Variants in NAA11 observed in about 807,000 individuals in gnomAD.
NAA11 encodes the protein N-alpha-acetyltransferase 11, NatA catalytic subunit, also known as N-alpha-acetyltransferase 11.
Under a neutral mutation model 16.1 loss-of-function variants are expected in NAA11, and 15 were observed. The observed-to-expected ratio is 0.93, with a 90% CI of 0.62 to 1.44. The LOEUF is 1.44. Among genes scored for constraint, NAA11 ranks in the 40% most tolerant of loss-of-function variants. NAA11 has a pLI of 0.00. For synonymous variants in NAA11, 122 were observed against 112.4 expected, an observed-to-expected ratio of 1.09 and a Z score of -0.54; for missense variants, 298 against 291.3, an observed-to-expected ratio of 1.02 and a Z score of -0.17.
In NAA11 at chr4:79,305,908, C is replaced by G. The variant is rs1478813400; in HGVS notation, c.*13-11794G>C. Among the ~76,000 whole-genome samples the G allele has an allele frequency of 2.6e-5, 4 of 152,218 alleles. No individual in the cohort carries two copies. The South Asian group carries it at 6.2e-4, about 24-fold the overall frequency. The stretch of plus-strand genomic sequence containing the variant: ...CCCCTTTGAAATTAATTAGCCTATC[C>G]TACTTACATGTCTACTTCTTCAGAG... On this transcript the variant is annotated intron_variant and NMD_transcript_variant, in intron 1 of 2. Coordinates refer to the NAA11 transcript ENST00000511542.
chr4:79,169,056 A>G, the NAA11 span, among the ~76,000 whole-genome samples: 12 of 152,190 alleles, frequency 7.9e-5, no homozygotes, highest in African/African-American at 2.9e-4. Flanking sequence ...AAGGGATGTG[A>G]AGGACCTCTT....
the NAA11 span, among the ~76,000 whole-genome samples, chr4:79,179,246 G>A: frequency 1.3e-5 from 2 of 152,248 alleles, no homozygotes; most frequent in East Asian, 3.9e-4. Context: ...TTTTGGTACA[G>A]AAGTAGCAGT....
chr4:79,172,553 A>C, the NAA11 span, among the ~76,000 whole-genome samples: 2 of 152,100 alleles, frequency 1.3e-5, no homozygotes, highest in East Asian at 1.9e-4. Flanking sequence ...ACATATGATG[A>C]AAGTCAGTAA....
the NAA11 span, chr4:79,197,526 T>C: frequency 3.3e-5 from 5 of 151,952 alleles, no homozygotes; most frequent in Non-Finnish European, 7.4e-5. Context: ...TGTGTCAGTT[T>C]TGAGCCAAGC....
chr4:79,236,110 A>G (rs1578154837), intron 2 of NAA11, among the ~76,000 whole-genome samples: 1 of 152,154 alleles, frequency 6.6e-6, no homozygotes, highest in African/African-American at 2.4e-5. Flanking sequence ...TAACCTACTT[A>G]TAACTACATA....
In NAA11 at chr4:79,325,777, T is replaced by C; in HGVS notation, c.101A>G (p.His34Arg). 1 of 1,614,212 alleles carries C rather than the reference T, an allele frequency of 6.2e-7. No individual in the cohort carries two copies. The highest frequency in any genetic ancestry group is 8.5e-7 in the Non-Finnish European group (1 of 1,180,032). Residue 34 changes from histidine (H) to arginine (R), a missense_variant, in exon 1 of 2, where the codon CAT becomes CGT. Coordinates refer to ENST00000286794, the MANE Select transcript of NAA11 (RefSeq NM_032693.3). The stretch of plus-strand genomic sequence containing the variant: ...AGAAAGCTGGGGCCAGGAAAGGCCA[T>C]GATATAAATAGTATTTCATCTGGTA... ...ENYQMKYYLY[H>R]GLSWPQLSYI...
chr4:79,262,978 CA>C (rs1440589432), intron 2 of NAA11, among the ~76,000 whole-genome samples: 1 of 151,970 alleles, frequency 6.6e-6, no homozygotes, highest in Non-Finnish European at 1.5e-5. Context: ...AAAGGGATGA[CA>C]GGATTTAAAT....
At chr4:79,245,035 TGC>T (rs1721779455) in intron 2 of NAA11, 1 of 164,324 alleles carries the variant, frequency 6.1e-6, no homozygotes, top group Non-Finnish European at 1.3e-5. Flanking sequence ...TTGCAGCCTC[TGC>T]CCGGCTGCCA....
chr4:79,186,219 G>A, the NAA11 span, among the ~76,000 whole-genome samples: 2 of 152,126 alleles, frequency 1.3e-5, no homozygotes, highest in Non-Finnish European at 2.9e-5. Flanking sequence ...CTTTTAAAAG[G>A]CTATGAATAT....
intron 2 of NAA11, among the ~76,000 whole-genome samples, chr4:79,262,590 C>T (rs1237201374): frequency 6.6e-6 from 1 of 152,088 alleles, no homozygotes; most frequent in Non-Finnish European, 1.5e-5. Flanking sequence ...TATTCTCAGT[C>T]CTGCATTCTT....
chr4:79,225,204 T>C (rs1196853746), downstream of NAA11, among the ~76,000 whole-genome samples: 1 of 152,050 alleles, frequency 6.6e-6, no homozygotes, highest in Non-Finnish European at 1.5e-5. Flanking sequence ...ATGGAAGCTA[T>C]GTACTGTTTT....
At chr4:79,283,096 C>G (rs1392148794) in intron 2 of NAA11, among the ~76,000 whole-genome samples, 1 of 152,008 alleles carries the variant, frequency 6.6e-6, no homozygotes, top group East Asian at 1.9e-4. Context: ...ACATGCAAAT[C>G]ATTGGTGATC....
chr4:79,272,533 A>C (rs1470548808), intron 2 of NAA11, among the ~76,000 whole-genome samples: 1 of 152,072 alleles, frequency 6.6e-6, no homozygotes, highest in Admixed American at 6.6e-5. Context: ...TTAGAGGAAA[A>C]GAAAAGGAGT....
At chr4:79,291,781 T>C (rs761624891) in intron 2 of NAA11, among the ~76,000 whole-genome samples, 1 of 152,060 alleles carries the variant, frequency 6.6e-6, no homozygotes, top group Non-Finnish European at 1.5e-5. Flanking sequence ...GGCAATAATA[T>C]GCTTAGAGGT....
downstream of NAA11, among the ~76,000 whole-genome samples, chr4:79,223,427 T>G (rs1293090097): frequency 1.4e-5 from 2 of 138,480 alleles, no homozygotes; most frequent in Non-Finnish European, 3.0e-5. Flanking sequence ...TTCTCACTCA[T>G]AGGTGGGAAT....
the NAA11 span, among the ~76,000 whole-genome samples, chr4:79,171,832 A>G: frequency 6.6e-6 from 1 of 152,194 alleles, no homozygotes; most frequent in Non-Finnish European, 1.5e-5. Context: ...CAAATCTACT[A>G]TAAAATACTG....
chr4:79,297,595 GC>G (rs1723260305), intron 1 of NAA11, among the ~76,000 whole-genome samples: 1 of 152,232 alleles, frequency 6.6e-6, no homozygotes, highest in African/African-American at 2.4e-5. Context: ...TTGGGGCCAA[GC>G]CCAGGTGCTG....
chr4:79,202,544 A>G, the NAA11 span, among the ~76,000 whole-genome samples: 6 of 135,510 alleles, frequency 4.4e-5, no homozygotes, highest in Non-Finnish European at 8.0e-5. Flanking sequence ...ACACACACGC[A>G]CACACACACA....
chr4:79,256,123 A>G (rs544502462), intron 2 of NAA11, among the ~76,000 whole-genome samples: 20 of 152,012 alleles, frequency 1.3e-4, no homozygotes, highest in East Asian at 1.9e-4. Context: ...TTTTAAAATT[A>G]TCTTTCGATT....
Sources: allele counts gnomAD v4.1 joint callset (sites outside exome capture counted in the v4.1 genomes callset), GRCh38; gene constraint gnomAD v4.1.1; transcripts MANE v1.5; gene names NCBI Gene and HGNC (gene_info 2026-07-23, HGNC 2026-07-21).